PDHX: variants seen among roughly 807,000 people sequenced by gnomAD.
PDHX encodes the protein pyruvate dehydrogenase complex component X.
A neutral mutation model predicts 55.3 loss-of-function variants in PDHX; 33 were observed. The ratio of observed to expected loss-of-function variants is 0.60; its 90% CI spans 0.45 to 0.80. The LOEUF (loss-of-function observed/expected upper bound fraction) is 0.80. Ranked by LOEUF, PDHX falls within the 30% of genes least tolerant of loss-of-function variation. The pLI is 0.00. For missense variants in PDHX, 622 were observed against 619.9 expected (o/e 1.00, Z -0.04); for synonymous variants, 226 against 219.4 (o/e 1.03, Z -0.27).
At chr11:34,967,004 A>G (rs1855150808) in intron 6 of PDHX, among the ~76,000 whole-genome samples, 190 bp downstream of exon 6, 1 of 151,878 alleles carries the variant, frequency 6.6e-6, no homozygotes, top group Non-Finnish European at 1.5e-5. Flanking sequence ...GGCACGCACC[A>G]CCACACCCAC....
chr11:34,969,859 A>G (rs929555735), intron 6 of PDHX, among the ~76,000 whole-genome samples: 1 of 152,108 alleles, frequency 6.6e-6, no homozygotes, highest in Non-Finnish European at 1.5e-5. Flanking sequence ...TTTCTTTCTT[A>G]TCATCTTAAA....
At chr11:34,986,884 C>G (rs1030019425) in intron 9 of PDHX, among the ~76,000 whole-genome samples, 3 of 152,230 alleles carry the variant, frequency 2.0e-5, no homozygotes, top group Non-Finnish European at 2.9e-5. Flanking sequence ...ACCTGCTTCT[C>G]TTTCCCACCC....
rs527659218 is a variant in PDHX, at chr11:34,975,232, T to C, written c.965-2892T>C. On this transcript the variant is annotated intron_variant, in intron 7 of 10. Coordinates refer to ENST00000227868, the MANE Select transcript of PDHX (RefSeq NM_003477.3). The stretch of plus-strand genomic sequence containing the variant: ...GCTATTGTATGCCTAGATTTTTTTT[T>C]CTATTGTATTTACTGTTTGGGTTTC... Among the ~76,000 whole-genome samples the C allele has an allele frequency of 4.7e-4, 71 of 152,262 alleles. 1 individual carries two copies. In the South Asian group the frequency reaches 5.2e-3, roughly 11 times the overall value.
chr11:34,939,106 G>C (rs1664373971), intron 2 of PDHX, among the ~76,000 whole-genome samples: 1 of 151,228 alleles, frequency 6.6e-6, no homozygotes, highest in Non-Finnish European at 1.5e-5. Flanking sequence ...GTTTAAGTAT[G>C]CCTGGTTCTT....
At chr11:34,966,278 ATTAT>A (rs1401539968) in intron 5 of PDHX, among the ~76,000 whole-genome samples, 15 of 152,322 alleles carry the variant, frequency 9.8e-5, no homozygotes, top group African/African-American at 3.1e-4. Flanking sequence ...CCATGTGAAT[ATTAT>A]TTCATGAGTA....
At chr11:34,992,958 A>G (rs1011277924) in intron 10 of PDHX, among the ~76,000 whole-genome samples, 1 of 152,124 alleles carries the variant, frequency 6.6e-6, no homozygotes, top group East Asian at 1.9e-4. Flanking sequence ...ACCTCCACCA[A>G]CGGTCCTGAG....
At chr11:34,928,889 T>G (rs911619037) in intron 1 of PDHX, among the ~76,000 whole-genome samples, 4 of 152,226 alleles carry the variant, frequency 2.6e-5, no homozygotes, top group African/African-American at 9.6e-5. Context: ...TATTTAGTAG[T>G]TTGCATTATT....
At chr11:34,918,251 A>G (rs1853785763) in intron 1 of PDHX, among the ~76,000 whole-genome samples, 1 of 151,394 alleles carries the variant, frequency 6.6e-6, no homozygotes, top group South Asian at 2.1e-4. Context: ...AGCCCGGGCA[A>G]CAAAGTGAGA....
Position 34,984,685 on chromosome 11 carries a change from A to T in PDHX, c.1139A>T (p.Asp380Val). Reference sequence around the variant, plus strand: ...GGCTTACTTACTCCAATCATAAAAGATGCTGCTGCTAAAGGTATCCAGGAA... The same window carrying T: ...GGCTTACTTACTCCAATCATAAAAGTTGCTGCTGCTAAAGGTATCCAGGAA... ...DKGLLTPIIKDAAAKGIQEIA... is the reference protein window; with the variant it reads ...DKGLLTPIIKVAAAKGIQEIA... The change falls in exon 9 of 11, where the codon GAT (aspartate) becomes GTT (valine). Residue 380 changes from aspartate (D) to valine (V), a missense_variant. By Grantham distance (152) the Asp-to-Val change is radical. Transcript: ENST00000227868. The T allele has an allele frequency of 4.3e-6, 7 of 1,614,122 alleles. No homozygotes were observed. Among genetic ancestry groups the T allele is most frequent in the Non-Finnish European group, 5.9e-6 (7 of 1,179,964 alleles).
At chr11:34,930,832 C>A (rs867403092) in intron 1 of PDHX, among the ~76,000 whole-genome samples, 4 of 152,218 alleles carry the variant, frequency 2.6e-5, no homozygotes, top group African/African-American at 7.2e-5. Context: ...AAATTCTGAT[C>A]ATCCTTGACA....
intron 5 of PDHX, among the ~76,000 whole-genome samples, chr11:34,962,278 T>C (rs919272033): frequency 6.6e-6 from 1 of 152,278 alleles, no homozygotes; most frequent in African/African-American, 2.4e-5. Context: ...AATACTTGAA[T>C]GTGGTTAGAA....
At chr11:34,916,467 C>G, upstream of PDHX, 1 of 1,460,140 alleles carries the variant, frequency 6.8e-7, no homozygotes, top group South Asian at 1.4e-5. Context: ...TATCCAGCGG[C>G]GCACCTGACT....
rs748233840 is a variant in PDHX, at chr11:34,947,518, G to T, written c.254G>T (p.Ser85Ile). The T allele has an allele frequency of 6.2e-7, 1 of 1,612,204 alleles. No individual in the cohort carries two copies. Among genetic ancestry groups the T allele is most frequent in the East Asian group, 2.2e-5 (1 of 44,808 alleles). Residue 85 changes from serine to isoleucine, a missense_variant, in exon 3 of 11, where the codon AGT becomes ATT. Transcript: ENST00000227868. ...KWLKKEGEAVSAGDALCEIET... is the reference protein window; with the variant it reads ...KWLKKEGEAVIAGDALCEIET... ...TCTTGTTTTGTAGGTGAAGCGGTGA[G>T]TGCTGGAGATGCATTATGTGAAATT... is the stretch of plus-strand genomic sequence containing the variant.
At chr11:34,964,428 A>G (rs1024325424) in intron 5 of PDHX, among the ~76,000 whole-genome samples, 4 of 152,010 alleles carry the variant, frequency 2.6e-5, no homozygotes, top group African/African-American at 9.7e-5. Context: ...ACATGGTAAA[A>G]CCCCATCTCT....
At position 34,995,386 on chromosome 11, in the gene PDHX, AAG is replaced by A; in HGVS notation, c.*218_*219del. 1 of 529,452 alleles carries A rather than the reference AAG, an allele frequency of 1.9e-6. No individual in the cohort carries two copies. The highest frequency in any genetic ancestry group is 3.4e-6 in the Non-Finnish European group (1 of 295,864). The allele number at this position is 529,452 out of a possible 1,614,324, so 32.8% of individuals were successfully genotyped here. Reference sequence around the variant, plus strand: ...ATGATAAACTCTAACTAATAAAGGAAAGAGAATATTTGGTTACTCAGATCCAT... The same window carrying A: ...ATGATAAACTCTAACTAATAAAGGAAAGAATATTTGGTTACTCAGATCCAT... On this transcript the variant is annotated 3_prime_UTR_variant, in exon 11 of 11. Transcript: ENST00000227868.
intron 1 of PDHX, among the ~76,000 whole-genome samples, chr11:34,922,900 A>G (rs11032928): frequency 0.11 from 5,933 of 54,682 alleles, 158 homozygotes; most frequent in Middle Eastern, 0.17. Flanking sequence ...GTGTGTGTGT[A>G]TGTATTCTTT....
chr11:34,979,319 T>G (rs1467350294), intron 8 of PDHX, among the ~76,000 whole-genome samples: 2 of 152,080 alleles, frequency 1.3e-5, no homozygotes, highest in Non-Finnish European at 2.9e-5. Context: ...GGTGAACATA[T>G]GAGCCTGCAG....
intron 3 of PDHX, among the ~76,000 whole-genome samples, chr11:34,956,807 A>G (rs1473700888): frequency 1.4e-4 from 21 of 152,186 alleles, no homozygotes; most frequent in Non-Finnish European, 1.5e-5. Flanking sequence ...TATACAGGGA[A>G]ATAATTAAAT....
chr11:34,954,000 G>T (rs573900996), intron 3 of PDHX, among the ~76,000 whole-genome samples: 1 of 152,048 alleles, frequency 6.6e-6, no homozygotes, highest in Non-Finnish European at 1.5e-5. Flanking sequence ...TATTTCTTAT[G>T]TACTTCCTTA....
Sources: gnomAD v4.1 joint callset for allele counts (sites outside exome capture counted in the v4.1 genomes callset) on GRCh38, gnomAD v4.1.1 for gene constraint, MANE v1.5 for transcripts, NCBI Gene and HGNC (gene_info 2026-07-23, HGNC 2026-07-21) for gene names.